PPIL6: variants seen among roughly 807,000 people sequenced by gnomAD.
The protein encoded by PPIL6 is peptidylprolyl isomerase like 6, also known as probable inactive peptidyl-prolyl cis-trans isomerase-like 6.
Under a neutral mutation model 36.8 loss-of-function variants are expected in PPIL6, and 39 were observed. The observed-to-expected ratio is 1.06, with a 90% confidence interval of 0.82 to 1.38. PPIL6 has a LOEUF of 1.38. Among genes scored for constraint, PPIL6 ranks in the 40% most tolerant of loss-of-function variants. PPIL6 has a pLI of 0.00. For missense variants in PPIL6, 368 were observed against 379.1 expected (o/e 0.97, Z 0.24); for synonymous variants, 123 against 134.1 (o/e 0.92, Z 0.57).
intron 5 of PPIL6, among the ~76,000 whole-genome samples, chr6:109,420,608 G>A (rs567142068): frequency 6.6e-6 from 1 of 152,290 alleles, no homozygotes; most frequent in East Asian, 1.9e-4. Context: ...GCTAACTCTA[G>A]TGAAAAGAGC....
At chr6:109,399,659 T>C (rs1772447284) in intron 7 of PPIL6, among the ~76,000 whole-genome samples, 1 of 152,202 alleles carries the variant, frequency 6.6e-6, no homozygotes, top group Admixed American at 6.5e-5. Flanking sequence ...TGCCTTGGCC[T>C]GCCAAAGTGC....
At chr6:109,431,892 T>C (rs1774176259) in intron 2 of PPIL6, among the ~76,000 whole-genome samples, 1 of 152,230 alleles carries the variant, frequency 6.6e-6, no homozygotes, top group Non-Finnish European at 1.5e-5. Flanking sequence ...CACTTGAGCC[T>C]CTATTTTGTT....
intron 5 of PPIL6, among the ~76,000 whole-genome samples, chr6:109,420,469 T>C (rs1343638947): frequency 6.6e-6 from 1 of 152,096 alleles, no homozygotes; most frequent in African/African-American, 2.4e-5. Flanking sequence ...TAAAGTTTCC[T>C]ATAATGTAAC....
At chr6:109,424,654 A>G (rs1485030643) in intron 5 of PPIL6, among the ~76,000 whole-genome samples, 2 of 152,218 alleles carry the variant, frequency 1.3e-5, no homozygotes, top group Non-Finnish European at 2.9e-5. Flanking sequence ...GGAGGTTGGC[A>G]CAAGATACAG....
intron 6 of PPIL6, chr6:109,402,880 T>A (rs1562257380): frequency 1.8e-6 from 1 of 549,878 alleles, no homozygotes; most frequent in Non-Finnish European, 3.1e-6. Context: ...TGATCTTGTA[T>A]GCATCAAATA....
Position 109,409,834 on chromosome 6 carries a change from A to G in PPIL6, c.688+9353T>C, listed in dbSNP as rs1025643663. Among the ~76,000 whole-genome samples, 3 of 152,382 alleles carry G rather than the reference A, an allele frequency of 2.0e-5. No homozygotes were observed. In the East Asian group the frequency reaches 5.8e-4, roughly 29 times the overall value. On this transcript the variant is annotated intron_variant, in intron 6 of 7. Transcript: ENST00000521072. ...CAAAGTGAAAAATCTCTACAATGAA[A>G]ACTATACAACACTGATGAAAGAAAC...
intron 7 of PPIL6, among the ~76,000 whole-genome samples, chr6:109,393,771 A>C: frequency 6.7e-6 from 1 of 149,724 alleles, no homozygotes; most frequent in South Asian, 2.2e-4. Context: ...CTCCTGCATT[A>C]CTCCCCCACC....
rs751319037 is a variant in PPIL6, at chr6:109,440,543, C to G, written c.48G>C (p.Ser16=). 3 of 1,481,608 alleles carry G rather than the reference C, an allele frequency of 2.0e-6. No homozygotes were observed. The highest frequency in any genetic ancestry group is 1.3e-5 in the South Asian group (1 of 76,754). 91.8% of individuals were successfully genotyped at this position (1,481,608 alleles called of 1,614,324 possible). A position where few individuals can be genotyped will look rare whatever the true frequency, so the allele number is the denominator to read the frequency against. ...PCGPPHARCG[S]PSLPERPLQV... is the part of the protein sequence containing the mutation. The stretch of plus-strand genomic sequence containing the variant: ...GCAGCGGCCGCTCCGGCAGCGACGG[C>G]GAGCCGCACCTAGCGTGCGGGGGCC... The change falls in exon 1 of 8, where the codon TCG becomes TCC. Residue 16 remains serine (S), a synonymous_variant. Coordinates refer to ENST00000521072, the MANE Select transcript of PPIL6 (RefSeq NM_173672.5).
chr6:109,418,459 T>C lies in PPIL6; in HGVS notation c.688+728A>G, dbSNP rs1456915849. 2.0e-5 allele frequency among the ~76,000 whole-genome samples: 3 copies of C among 152,316 alleles called. No homozygotes were observed. The East Asian group carries it at 5.8e-4, about 29-fold the overall frequency. ...TGGTTTGTTGTTTGTCCTTAACTGT[T>C]TGTATTGTGGAATTTAGGTAGATAC... On this transcript the variant is annotated intron_variant, in intron 6 of 7. Coordinates refer to ENST00000521072, the MANE Select transcript of PPIL6 (RefSeq NM_173672.5).
chr6:109,415,193 T>C (rs1408170945), intron 6 of PPIL6, among the ~76,000 whole-genome samples: 1 of 152,208 alleles, frequency 6.6e-6, no homozygotes, highest in Non-Finnish European at 1.5e-5. Flanking sequence ...TTATAATTTG[T>C]TTGACTTTTT....
intron 5 of PPIL6, among the ~76,000 whole-genome samples, chr6:109,422,194 T>C (rs1169220419): frequency 1.3e-5 from 2 of 152,152 alleles, no homozygotes; most frequent in African/African-American, 4.8e-5. Flanking sequence ...TTTTTAAAAA[T>C]TAGCTGGGCA....
intron 7 of PPIL6, 72 bp from the exon 8 acceptor site, chr6:109,393,009 G>A: frequency 2.4e-6 from 2 of 816,646 alleles, no homozygotes; most frequent in Non-Finnish European, 4.1e-6. Flanking sequence ...TTCCGAAATG[G>A]GGTCCTACCC....
intron 6 of PPIL6, among the ~76,000 whole-genome samples, chr6:109,408,097 A>G (rs570159596): frequency 6.6e-6 from 1 of 152,222 alleles, no homozygotes. Context: ...GAAAGGGCTC[A>G]TGGCAACACT....
upstream of PPIL6, chr6:109,440,670 CA>C: frequency 1.8e-6 from 2 of 1,081,526 alleles, no homozygotes; most frequent in Non-Finnish European, 2.3e-6. Flanking sequence ...CCGCCGCTCG[CA>C]GGAGGCGGGG....
intron 1 of PPIL6, chr6:109,440,243 G>A (rs773224227): frequency 1.8e-5 from 12 of 660,800 alleles, no homozygotes; most frequent in Non-Finnish European, 3.3e-5. Flanking sequence ...AAGTCGCCAA[G>A]TGGAACGCCC....
chr6:109,415,445 A>G (rs1773207371), intron 6 of PPIL6, among the ~76,000 whole-genome samples: 1 of 152,108 alleles, frequency 6.6e-6, no homozygotes, highest in African/African-American at 2.4e-5. Context: ...CTATCAACTC[A>G]TCTTTGAATG....
intron 5 of PPIL6, among the ~76,000 whole-genome samples, chr6:109,424,207 A>T (rs1773696853): frequency 6.6e-6 from 1 of 152,148 alleles, no homozygotes; most frequent in Non-Finnish European, 1.5e-5. Flanking sequence ...AATCAGAAAC[A>T]GACAGTGGGG....
intron 1 of PPIL6, 193 bp downstream of exon 1, chr6:109,440,263 C>T (rs1033525605): frequency 4.2e-6 from 3 of 721,800 alleles, no homozygotes; most frequent in Non-Finnish European, 7.2e-6. Context: ...CGCCCCCGGA[C>T]CCGCACTTGC....
At chr6:109,429,208 G>A (rs1773991531) in intron 3 of PPIL6, among the ~76,000 whole-genome samples, 1 of 152,118 alleles carries the variant, frequency 6.6e-6, no homozygotes, top group African/African-American at 2.4e-5. Flanking sequence ...GAATTATTTC[G>A]GGCTTTCATT....
Sources: allele counts gnomAD v4.1 joint callset (sites outside exome capture counted in the v4.1 genomes callset), GRCh38; gene constraint gnomAD v4.1.1; transcripts MANE v1.5; gene names NCBI Gene and HGNC (gene_info 2026-07-23, HGNC 2026-07-21).